Variants in DPP10 observed in about 807,000 individuals in gnomAD.
The protein encoded by DPP10 is dipeptidyl peptidase like 10.
DPP10 carries 33 observed loss-of-function variants against 120.9 expected under a neutral mutation model. The observed-to-expected ratio is 0.27, with a 90% confidence interval of 0.21 to 0.37. The LOEUF (loss-of-function observed/expected upper bound fraction) is 0.37. DPP10 is among the 10% of genes least tolerant of loss of function. The probability of loss-of-function intolerance (pLI) is 1.00; values close to 1 mark genes in which losing one functional copy is unlikely to be tolerated. For missense variants in DPP10, 816 were observed against 942.8 expected (o/e 0.87, Z 1.76); for synonymous variants, 337 against 326.1 (o/e 1.03, Z -0.36).
rs2064700582 is a variant in DPP10 at position 115,360,591 on chromosome 2, A to T, written c.271+16679A>T. Among the ~76,000 whole-genome samples, 3 of 152,236 alleles carry T rather than the reference A, an allele frequency of 2.0e-5. No individual in the cohort carries two copies. The South Asian group carries it at 6.2e-4, about 32-fold the overall frequency. ...TTCCAGGTTGGAGGAGTTGGGGGGAATCAGGGGATGACTCTCTCACCAAGT... is the reference window on the plus strand; with the variant it reads ...TTCCAGGTTGGAGGAGTTGGGGGGATTCAGGGGATGACTCTCTCACCAAGT... On this transcript the variant is annotated intron_variant, in intron 3 of 25. Coordinates refer to ENST00000410059, the MANE Select transcript of DPP10 (RefSeq NM_020868.6).
chr2:115,589,168 A>G (rs553056665), intron 5 of DPP10, among the ~76,000 whole-genome samples: 1 of 152,194 alleles, frequency 6.6e-6, no homozygotes, highest in Non-Finnish European at 1.5e-5. Context: ...GCATTTAGTA[A>G]CCACGAAACT....
chr2:115,428,380 C>A (rs908676473), intron 3 of DPP10, among the ~76,000 whole-genome samples: 2 of 151,990 alleles, frequency 1.3e-5, no homozygotes, highest in African/African-American at 4.8e-5. Flanking sequence ...TACCTTAGAC[C>A]GAGTAATTTA....
intron 15 of DPP10, among the ~76,000 whole-genome samples, chr2:115,779,543 G>GA (rs1364048428): frequency 6.6e-6 from 1 of 151,990 alleles, no homozygotes; most frequent in African/African-American, 2.4e-5. Context: ...TAAATAATGA[G>GA]AAAATACCAC....
chr2:115,678,904 T>G (rs1424179655), intron 5 of DPP10, among the ~76,000 whole-genome samples: 1 of 152,212 alleles, frequency 6.6e-6, no homozygotes, highest in Non-Finnish European at 1.5e-5. Flanking sequence ...ACTTTAAGGT[T>G]TAATGAATGC....
chr2:114,862,628 AAG>A (rs1380800946), intron 1 of DPP10, among the ~76,000 whole-genome samples: 1 of 152,198 alleles, frequency 6.6e-6, no homozygotes, highest in African/African-American at 2.4e-5. Context: ...GCAAAAAGGA[AAG>A]AGAGATAAAG....
At chr2:114,849,776 A>T (rs963200072) in intron 1 of DPP10, among the ~76,000 whole-genome samples, 36 of 152,306 alleles carry the variant, frequency 2.4e-4, no homozygotes, top group African/African-American at 8.7e-4. Flanking sequence ...CAGCCAAGAG[A>T]TGGTTCAGGA....
chr2:115,796,420 G>T (rs1007551685), intron 19 of DPP10, among the ~76,000 whole-genome samples: 1 of 152,114 alleles, frequency 6.6e-6, no homozygotes, highest in African/African-American at 2.4e-5. Flanking sequence ...TAGAATAAAT[G>T]AATGAATATA....
At chr2:114,592,677 C>A (rs1691560374) in intron 1 of DPP10, among the ~76,000 whole-genome samples, 2 of 151,870 alleles carry the variant, frequency 1.3e-5, no homozygotes, top group South Asian at 2.1e-4. Flanking sequence ...AAAAAAAACC[C>A]TCAAAACGCT....
chr2:115,256,246 T>A (rs1428949849), intron 1 of DPP10, among the ~76,000 whole-genome samples: 1 of 151,280 alleles, frequency 6.6e-6, no homozygotes, highest in African/African-American at 2.4e-5. Context: ...AAGCCATTTA[T>A]AAAATCATCA....
chr2:115,538,286 A>G (rs1457394750), intron 5 of DPP10, among the ~76,000 whole-genome samples: 1 of 152,006 alleles, frequency 6.6e-6, no homozygotes, highest in Non-Finnish European at 1.5e-5. Context: ...GGTGGCTTTG[A>G]AGCTGGCTGA....
chr2:115,647,899 A>G (rs1169583886), intron 5 of DPP10, among the ~76,000 whole-genome samples: 1 of 152,146 alleles, frequency 6.6e-6, no homozygotes, highest in African/African-American at 2.4e-5. Context: ...AAAACACATG[A>G]ATTTTGGAGG....
chr2:115,425,837 CAG>C (rs1330126386), intron 3 of DPP10, among the ~76,000 whole-genome samples: 1 of 152,116 alleles, frequency 6.6e-6, no homozygotes, highest in Non-Finnish European at 1.5e-5. Context: ...GAGGAGGCCT[CAG>C]GGAGCTTTTA....
At chr2:115,531,566 G>A (rs1169063297) in intron 5 of DPP10, among the ~76,000 whole-genome samples, 1 of 151,998 alleles carries the variant, frequency 6.6e-6, no homozygotes, top group African/African-American at 2.4e-5. Flanking sequence ...TACCCTTCAA[G>A]GTTAATGTTT....
intron 1 of DPP10, among the ~76,000 whole-genome samples, chr2:114,505,164 C>A (rs1418155376): frequency 6.9e-6 from 1 of 143,894 alleles, no homozygotes; most frequent in East Asian, 2.1e-4. Context: ...CCTTACAAAA[C>A]AAAATAAAAA....
intron 1 of DPP10, among the ~76,000 whole-genome samples, chr2:115,136,681 C>T (rs1032430659): frequency 2.6e-5 from 4 of 151,830 alleles, no homozygotes; most frequent in African/African-American, 9.7e-5. Context: ...ATAAAGCAGA[C>T]ATAATGATTT....
intron 1 of DPP10, among the ~76,000 whole-genome samples, chr2:115,129,017 C>T (rs1308892159): frequency 1.3e-5 from 2 of 152,148 alleles, no homozygotes; most frequent in African/African-American, 2.4e-5. Flanking sequence ...CAGGAGGAAA[C>T]CCATCAAAGG....
At chr2:114,525,521 C>A (rs1484662534) in intron 1 of DPP10, among the ~76,000 whole-genome samples, 1 of 152,158 alleles carries the variant, frequency 6.6e-6, no homozygotes, top group Non-Finnish European at 1.5e-5. Flanking sequence ...TTTCAACAAC[C>A]ACTCTATAAG....
intron 1 of DPP10, among the ~76,000 whole-genome samples, chr2:114,766,609 AC>A (rs1489134398): frequency 1.3e-5 from 2 of 152,160 alleles, no homozygotes; most frequent in Non-Finnish European, 2.9e-5. Context: ...AAAGGAACAA[AC>A]TTTTGCTATA....
intron 1 of DPP10, among the ~76,000 whole-genome samples, chr2:114,934,842 A>G (rs1264881746): frequency 6.6e-6 from 1 of 152,154 alleles, no homozygotes; most frequent in African/African-American, 2.4e-5. Flanking sequence ...AAGTAGTATC[A>G]TAGCGTTCAT....
Sources: gnomAD v4.1 joint callset for allele counts (sites outside exome capture counted in the v4.1 genomes callset) on GRCh38, gnomAD v4.1.1 for gene constraint, MANE v1.5 for transcripts, NCBI Gene and HGNC (gene_info 2026-07-23, HGNC 2026-07-21) for gene names.